Variants in ETHE1 observed in about 807,000 individuals in gnomAD.
ETHE1 encodes the protein ETHE1 persulfide dioxygenase, also known as persulfide dioxygenase ETHE1, mitochondrial.
ETHE1 carries 16 observed loss-of-function variants against 25.7 expected under a neutral mutation model. The ratio of observed to expected loss-of-function variants is 0.62; its 90% CI spans 0.42 to 0.95. The LOEUF (loss-of-function observed/expected upper bound fraction) is 0.95. ETHE1 is among the 40% of genes least tolerant of loss of function. The pLI, the probability that ETHE1 is intolerant of heterozygous loss-of-function variation, is 0.00. For missense variants in ETHE1, 300 were observed against 333.6 expected (o/e 0.90, Z 0.79); for synonymous variants, 139 against 135.9 (o/e 1.02, Z -0.16).
At chr19:43,523,746 G>A (rs943166210) in intron 3 of ETHE1, among the ~76,000 whole-genome samples, 21 of 150,192 alleles carry the variant, frequency 1.4e-4, no homozygotes, top group African/African-American at 4.4e-4. Context: ...GACCAGCCTG[G>A]CCAACATGGT....
Position 43,527,107 on chromosome 19 carries a change from A to AGGAT in ETHE1, c.67_70dup (p.Leu24HisfsTer20). Reference sequence around the variant, plus strand: ...TCCAGCCACCCGCACCTGCCGCAGGAGGATGGGGGCTCCAGACCCGCCGCG... The same window carrying AGGAT: ...TCCAGCCACCCGCACCTGCCGCAGGAGGATGGATGGGGGCTCCAGACCCGCCGCG... On this transcript the variant is annotated frameshift_variant, in exon 1 of 7. Transcript: ENST00000292147. LOFTEE classifies it high-confidence loss of function. 6.4e-7 allele frequency: 1 copy of AGGAT among 1,557,454 alleles called. No individual in the cohort carries two copies. The highest frequency in any genetic ancestry group is 8.7e-7 in the Non-Finnish European group (1 of 1,154,050).
At chr19:43,518,186 T>C (rs973070167) in intron 3 of ETHE1, among the ~76,000 whole-genome samples, 3 of 150,024 alleles carry the variant, frequency 2.0e-5, no homozygotes, top group Admixed American at 6.6e-5. Context: ...ATAGACATAA[T>C]GGCCAAACAC....
rs761653656 is a variant in ETHE1, at chr19:43,527,132, G to A, written c.46C>T (p.Arg16Cys). 19 of 1,552,826 alleles carry A rather than the reference G, an allele frequency of 1.2e-5. No homozygotes were observed. The Admixed American group carries it at 3.0e-4, about 25-fold the overall frequency. Reference protein sequence around the residue: ...LRVARRQLSQRGGSGAPILLR... With the variant: ...LRVARRQLSQCGGSGAPILLR... ...AGGATGGGGGCTCCAGACCCGCCGC[G>A]CTGGCTCAGCTGCCGCCGGGCGACC... Residue 16 changes from arginine (R) to cysteine (C), a missense_variant, in exon 1 of 7, where the codon CGC (arginine) becomes TGC (cysteine). Arg to Cys is a radical substitution (Grantham distance 180). Coordinates refer to ENST00000292147, the MANE Select transcript of ETHE1 (RefSeq NM_014297.5).
At position 43,511,457 on chromosome 19, in the gene ETHE1, C is replaced by T. The variant is rs1188596511; in HGVS notation, c.485G>A (p.Gly162Glu). The change falls in exon 4 of 7, where the codon GGG (glycine) becomes GAG (glutamate). Residue 162 changes from glycine to glutamate, a missense_variant. Gly to Glu is a moderately conservative substitution (Grantham distance 98). Transcript: ENST00000292147. Reference sequence around the variant, plus strand: ...GTCACCTTGCTGGAAGTCTGTCCGCCCACACCCACGGATCAACAGGGCATC... The same window carrying T: ...GTCACCTTGCTGGAAGTCTGTCCGCTCACACCCACGGATCAACAGGGCATC... ...TGDALLIRGC[G>E]RTDFQQGCAK... The T allele has an allele frequency of 1.2e-6, 2 of 1,614,132 alleles. No homozygotes were observed. The highest frequency in any genetic ancestry group is 2.2e-5 in the East Asian group (1 of 44,878).
Position 43,511,141 on chromosome 19 carries a change from C to T in ETHE1, c.505+296G>A, listed in dbSNP as rs146429002. Among the ~76,000 whole-genome samples, 901 of 152,072 alleles carry T rather than the reference C, an allele frequency of 5.9e-3. 4 individuals carry two copies. Among genetic ancestry groups the T allele is most frequent in the African/African-American group, 0.021 (861 of 41,470 alleles). ...ACTGATTCTACATGATGGTGAGTTA[C>T]ATAATTATTTCATTATCTATTGCAA... On this transcript the variant is annotated intron_variant, in intron 4 of 6. Transcript: ENST00000292147.
intron 3 of ETHE1, among the ~76,000 whole-genome samples, chr19:43,523,790 G>A (rs1389115329): frequency 3.3e-5 from 5 of 151,934 alleles, no homozygotes; most frequent in African/African-American, 1.2e-4. Flanking sequence ...ACAAAAATTA[G>A]CCAGACATGG....
At position 43,508,848 on chromosome 19, in the gene ETHE1, C is replaced by T. The variant is rs745674809; in HGVS notation, c.522G>A (p.Leu174=). ...AGATCTTTTCATGGACCGAGTGGTACAAGGTCTTGGCACAGCCTGGGGAAG... is the reference window on the plus strand; with the variant it reads ...AGATCTTTTCATGGACCGAGTGGTATAAGGTCTTGGCACAGCCTGGGGAAG... ...TDFQQGCAKT[L]YHSVHEKIFT... The change falls in exon 5 of 7, where the codon TTG becomes TTA. Residue 174 remains leucine, a synonymous_variant. Transcript: ENST00000292147. 5.6e-6 allele frequency: 9 copies of T among 1,606,854 alleles called. No homozygotes were observed. The highest frequency in any genetic ancestry group is 7.6e-6 in the Non-Finnish European group (9 of 1,176,948).
intron 3 of ETHE1, among the ~76,000 whole-genome samples, chr19:43,521,670 T>TA (rs780192720): frequency 1.2e-3 from 159 of 131,802 alleles, no homozygotes; most frequent in Middle Eastern, 7.8e-3. Flanking sequence ...ACTCTGTCTC[T>TA]AAAAAAAAAA....
intron 3 of ETHE1, 116 bp downstream of exon 3, chr19:43,526,085 A>C: frequency 2.7e-6 from 4 of 1,507,472 alleles, no homozygotes; most frequent in Non-Finnish European, 3.7e-6. Context: ...TCAGAAACCC[A>C]GGTCCTGAGG....
Position 43,526,191 on chromosome 19 carries a change from C to A in ETHE1, c.375+10G>T, listed in dbSNP as rs780974746. The stretch of plus-strand genomic sequence containing the variant: ...CCACCACCCTCTTGGGGACCCAGCA[C>A]CCAACTCACGAAGCGCCCGAAGCGG... On this transcript the variant is annotated intron_variant, in intron 3 of 6. Coordinates refer to ENST00000292147, the MANE Select transcript of ETHE1 (RefSeq NM_014297.5). The A allele has an allele frequency of 1.3e-5, 21 of 1,614,110 alleles. No individual in the cohort carries two copies. The highest frequency in any genetic ancestry group is 1.8e-5 in the Non-Finnish European group (21 of 1,180,010).
At chr19:43,514,501 T>TTTC (rs1971982404) in intron 3 of ETHE1, among the ~76,000 whole-genome samples, 1 of 149,992 alleles carries the variant, frequency 6.7e-6, no homozygotes. Context: ...TTTTTTTTTT[T>TTTC]TTTTGAGACA....
intron 3 of ETHE1, among the ~76,000 whole-genome samples, chr19:43,514,078 T>C (rs1971973564): frequency 6.6e-6 from 1 of 151,954 alleles, no homozygotes. Flanking sequence ...AGTTGAGACT[T>C]TGGGGGACTG....
At chr19:43,510,674 G>A (rs1444764731) in intron 4 of ETHE1, among the ~76,000 whole-genome samples, 2 of 151,002 alleles carry the variant, frequency 1.3e-5, no homozygotes, top group African/African-American at 2.4e-5. Context: ...GTTTCTTAGA[G>A]AGGGAGTCTC....
At position 43,506,979 on chromosome 19, in the gene ETHE1, A is replaced by G. The variant is rs1971784083; in HGVS notation, c.713-77T>C. ...GCCCCACTGGAGACCCAGAAATCCT[A>G]GGAACCTTTCCTCTTCAGGAAACTA... On this transcript the variant is annotated intron_variant, in intron 6 of 6. Transcript: ENST00000292147. The G allele has an allele frequency of 2.2e-5, 33 of 1,495,778 alleles. No individual in the cohort carries two copies. The South Asian group carries it at 3.6e-4, about 16-fold the overall frequency. 92.7% of individuals were successfully genotyped at this position (1,495,778 alleles called of 1,614,324 possible).
chr19:43,506,799 C>T lies in ETHE1; in HGVS notation c.*51G>A. 1.3e-6 allele frequency: 2 copies of T among 1,540,252 alleles called. No individual in the cohort carries two copies. The highest frequency in any genetic ancestry group is 1.8e-6 in the Non-Finnish European group (2 of 1,114,376). ...AGGTGCAGTGTCATTGCCGCCCTCT[C>T]CTCCCACCTAGTGCATTAATAGTGG... is the stretch of plus-strand genomic sequence containing the variant. On this transcript the variant is annotated 3_prime_UTR_variant, in exon 7 of 7. Transcript: ENST00000292147.
intron 3 of ETHE1, among the ~76,000 whole-genome samples, chr19:43,516,122 A>G (rs1478556301): frequency 6.6e-6 from 1 of 152,206 alleles, no homozygotes. Flanking sequence ...AAAACCACAG[A>G]AAGTGAAACC....
chr19:43,511,173 A>C lies in ETHE1; in HGVS notation c.505+264T>G, dbSNP rs117069120. ...ATTTCATTATCTATTGCAATGTAAT[A>C]ATAAAGTGCACAATAAATGTAATGC... On this transcript the variant is annotated intron_variant, in intron 4 of 6. Transcript: ENST00000292147. 0.081 allele frequency among the ~76,000 whole-genome samples: 12,325 copies of C among 152,176 alleles called. 794 individuals carry two copies. Among genetic ancestry groups the C allele is most frequent in the East Asian group, 0.32 (1,677 of 5,172 alleles).
At chr19:43,511,825 G>A (rs1971924537) in intron 3 of ETHE1, among the ~76,000 whole-genome samples, 1 of 152,202 alleles carries the variant, frequency 6.6e-6, no homozygotes, top group Non-Finnish European at 1.5e-5. Context: ...TTAGGAAGGT[G>A]ATATGGTTTG....
At position 43,508,035 on chromosome 19, in the gene ETHE1, C is replaced by G; in HGVS notation, c.621G>C (p.Glu207Asp). ...TGAGCCGAGGGTTCAGAGTCCTCTC[C>G]TCCTCCACGGTGGACACTGTGAACC... Reference protein sequence around the residue: ...YHGFTVSTVEEERTLNPRLTL... With the variant: ...YHGFTVSTVEDERTLNPRLTL... Residue 207 changes from glutamate to aspartate, a missense_variant, in exon 6 of 7, where the codon GAG becomes GAC. Physicochemically the swap from Glu to Asp is conservative, Grantham distance 45. Coordinates refer to ENST00000292147, the MANE Select transcript of ETHE1 (RefSeq NM_014297.5). The G allele has an allele frequency of 6.2e-7, 1 of 1,614,098 alleles. No homozygotes were observed. The highest frequency in any genetic ancestry group is 1.1e-5 in the South Asian group (1 of 91,070).
Sources: allele counts gnomAD v4.1 joint callset (sites outside exome capture counted in the v4.1 genomes callset), GRCh38; gene constraint gnomAD v4.1.1; transcripts MANE v1.5; gene names NCBI Gene and HGNC (gene_info 2026-07-23, HGNC 2026-07-21).